The following DLGAP3 variants were observed in gnomAD, a reference collection of about 807,000 sequenced individuals.
DLGAP3 encodes the protein disks large-associated protein 3.
Under a neutral mutation model 81.2 loss-of-function variants are expected in DLGAP3, and 17 were observed. The ratio of observed to expected loss-of-function variants is 0.21; its 90% CI spans 0.14 to 0.31. The LOEUF (loss-of-function observed/expected upper bound fraction) is 0.31. Among genes scored for constraint, DLGAP3 ranks in the 10% least tolerant of loss-of-function variants. The pLI is 1.00. For synonymous variants in DLGAP3, 577 were observed against 587.4 expected (o/e 0.98, Z 0.26); for missense variants, 1,124 against 1,388.0 (o/e 0.81, Z 3.02).
At chr1:34,918,956 G>A (rs567313947) in intron 1 of DLGAP3, among the ~76,000 whole-genome samples, 5 of 152,276 alleles carry the variant, frequency 3.3e-5, no homozygotes, top group East Asian at 1.9e-4. Context: ...TCCCATCCTC[G>A]TGTCTGCTGT....
At chr1:34,917,916 G>T (rs1446531471) in intron 1 of DLGAP3, among the ~76,000 whole-genome samples, 2 of 152,206 alleles carry the variant, frequency 1.3e-5, no homozygotes, top group East Asian at 3.8e-4. Flanking sequence ...GGCTCAGCCT[G>T]CCTGTGATGG....
intron 1 of DLGAP3, among the ~76,000 whole-genome samples, chr1:34,926,677 AC>A (rs1235907469): frequency 6.6e-6 from 1 of 151,936 alleles, no homozygotes; most frequent in Admixed American, 6.6e-5. Context: ...TCATCACCTC[AC>A]CCCCAAAAAA....
At position 34,867,103 on chromosome 1, in the gene DLGAP3, T is replaced by G; in HGVS notation, c.2666A>C (p.Lys889Thr). The change falls in exon 11 of 12, where the codon AAG becomes ACG. Residue 889 changes from lysine to threonine, a missense_variant. By Grantham distance (78) the Lys-to-Thr change is moderately conservative (BLOSUM62 -1). Transcript: ENST00000373347. This position sits in a 1 kb window ranked among gnomAD's most constrained non-coding sequence, Gnocchi z 4.3. ...LQLSIEDVTL[K>T]FLELQQLKAN... ...CTTGAGTTGCTGTAGCTCCAGGAAC[T>G]TGAGGGTCACATCCTCGATGGAGAG... 6.2e-7 allele frequency: 1 copy of G among 1,614,144 alleles called. No individual in the cohort carries two copies.
In DLGAP3 at chr1:34,867,438, G is replaced by A; in HGVS notation, c.2577+98C>T. ...GCATGCAGGCCTGGTCTCACCTCTG[G>A]TACACACTCACTCTGGGTCACCTGC... On this transcript the variant is annotated intron_variant, in intron 10 of 11. Transcript: ENST00000373347. This position sits in a 1 kb window ranked among gnomAD's most constrained non-coding sequence, Gnocchi z 4.3. 1 of 1,162,524 alleles carries A rather than the reference G, an allele frequency of 8.6e-7. No homozygotes were observed. The highest frequency in any genetic ancestry group is 1.2e-5 in the South Asian group (1 of 81,904). 72.0% of individuals were successfully genotyped at this position (1,162,524 alleles called of 1,614,324 possible). A position where few individuals can be genotyped will look rare whatever the true frequency, so the allele number is the denominator to read the frequency against.
intron 1 of DLGAP3, among the ~76,000 whole-genome samples, chr1:34,924,719 T>A (rs1294610789): frequency 6.6e-6 from 1 of 152,154 alleles, no homozygotes; most frequent in African/African-American, 2.4e-5. Flanking sequence ...ATTCTCCAAC[T>A]CTACCCCGAT....
intron 1 of DLGAP3, among the ~76,000 whole-genome samples, chr1:34,919,081 A>T (rs531433415): frequency 3.9e-5 from 6 of 152,074 alleles, no homozygotes; most frequent in Non-Finnish European, 8.8e-5. Context: ...CCCAACCCCC[A>T]TGCTCACAGC....
chr1:34,901,318 G>A (rs1054450967), intron 3 of DLGAP3, among the ~76,000 whole-genome samples: 1 of 152,150 alleles, frequency 6.6e-6, no homozygotes, highest in African/African-American at 2.4e-5. Flanking sequence ...ACCTGAGAAG[G>A]AGTGGGCAGA....
chr1:34,909,858 C>A (rs1244793019), intron 1 of DLGAP3, among the ~76,000 whole-genome samples: 2 of 152,134 alleles, frequency 1.3e-5, no homozygotes, highest in African/African-American at 4.8e-5. Context: ...GCCTTTTATT[C>A]CACATCCACC....
intron 1 of DLGAP3, among the ~76,000 whole-genome samples, chr1:34,908,510 G>C (rs1455350680): frequency 6.6e-6 from 1 of 151,616 alleles, no homozygotes; most frequent in Non-Finnish European, 1.5e-5. Flanking sequence ...CAAATAGTGG[G>C]AATAGGAGAG....
rs189538360 is a variant in DLGAP3 at position 34,890,204 on chromosome 1, A to C, written c.1387-3919T>G. ...GTATCTGCATGAACCTTCATGGGCCACACCCCTAAAATTAAAAATTAGCAT... is the reference window on the plus strand; with the variant it reads ...GTATCTGCATGAACCTTCATGGGCCCCACCCCTAAAATTAAAAATTAGCAT... On this transcript the variant is annotated intron_variant, in intron 5 of 11. Coordinates refer to ENST00000373347, the MANE Select transcript of DLGAP3 (RefSeq NM_001080418.3). Among the ~76,000 whole-genome samples, 12 of 152,324 alleles carry C rather than the reference A, an allele frequency of 7.9e-5. No individual in the cohort carries two copies. In the East Asian group the frequency reaches 2.3e-3, roughly 29 times the overall value.
In DLGAP3 at chr1:34,885,563, G is replaced by A. The variant is rs2148401775; in HGVS notation, c.1829C>T (p.Thr610Ile). ...VPPRASPKPP[T>I]LIIKTIPGRE... Reference sequence around the variant, plus strand: ...GCCAGGGATGGTCTTGATGATGAGTGTGGGGGGCTTGGGGCTGGCCCGGGG... The same window carrying A: ...GCCAGGGATGGTCTTGATGATGAGTATGGGGGGCTTGGGGCTGGCCCGGGG... Residue 610 changes from threonine to isoleucine, a missense_variant, in exon 7 of 12, where the codon ACA becomes ATA. Thr to Ile is a moderately conservative substitution (Grantham distance 89). Transcript: ENST00000373347. The A allele has an allele frequency of 1.2e-6, 2 of 1,607,468 alleles. No individual in the cohort carries two copies. Among genetic ancestry groups the A allele is most frequent in the East Asian group, 4.5e-5 (2 of 44,816 alleles).
Position 34,895,197 on chromosome 1 carries a change from C to T in DLGAP3, c.1386+4472G>A, listed in dbSNP as rs1047318837. Among the ~76,000 whole-genome samples, 3 of 152,118 alleles carry T rather than the reference C, an allele frequency of 2.0e-5. No homozygotes were observed. The highest frequency in any genetic ancestry group is 7.2e-5 in the African/African-American group (3 of 41,520). ...CCTGGCTAACACGGTGAAACCCCGT[C>T]TGTACTAAAAATACAAAAAAATTAG... On this transcript the variant is annotated intron_variant, in intron 5 of 11. Coordinates refer to ENST00000373347, the MANE Select transcript of DLGAP3 (RefSeq NM_001080418.3). This position sits in a 1 kb window ranked among gnomAD's most constrained non-coding sequence, Gnocchi z 4.5.
At chr1:34,871,272 G>T (rs1455487886) in intron 8 of DLGAP3, among the ~76,000 whole-genome samples, 1 of 152,124 alleles carries the variant, frequency 6.6e-6, no homozygotes, top group African/African-American at 2.4e-5. Context: ...CATTCTCCTT[G>T]TTCCTTGAAT....
chr1:34,881,877 G>T (rs1639150837), intron 8 of DLGAP3, among the ~76,000 whole-genome samples: 1 of 152,010 alleles, frequency 6.6e-6, no homozygotes, highest in Non-Finnish European at 1.5e-5. Flanking sequence ...ATCCAACTAG[G>T]AATAGAAAGG....
chr1:34,908,341 T>C (rs1639590459), intron 1 of DLGAP3, among the ~76,000 whole-genome samples: 1 of 152,170 alleles, frequency 6.6e-6, no homozygotes, highest in Non-Finnish European at 1.5e-5. Context: ...GAGGAGAGGA[T>C]GTTTGTGATG....
chr1:34,898,292 G>A (rs980896770), intron 5 of DLGAP3, among the ~76,000 whole-genome samples: 1 of 152,308 alleles, frequency 6.6e-6, no homozygotes, highest in East Asian at 1.9e-4. Context: ...GACACAGACT[G>A]AGGATAAGCA....
chr1:34,878,263 G>T (rs1381639164), intron 8 of DLGAP3, among the ~76,000 whole-genome samples: 1 of 151,962 alleles, frequency 6.6e-6, no homozygotes, highest in Non-Finnish European at 1.5e-5. Context: ...CTGAGATCAC[G>T]CCAATGCACT....
rs150459222 is a variant in DLGAP3, at chr1:34,886,175, C to T, written c.1497G>A (p.Arg499=). 16 of 1,610,798 alleles carry T rather than the reference C, an allele frequency of 9.9e-6. No individual in the cohort carries two copies. Among genetic ancestry groups the T allele is most frequent in the South Asian group, 7.7e-5 (7 of 90,436 alleles). ...ALDLPGCFRM[R]SHSYLRAIQA... ...GGATGGCCCGGAGGTAGCTGTGGCTCCGCATGCGGAAACAGCCGGGCAGGT... is the reference window on the plus strand; with the variant it reads ...GGATGGCCCGGAGGTAGCTGTGGCTTCGCATGCGGAAACAGCCGGGCAGGT... Residue 499 remains arginine (R), a synonymous_variant, in exon 6 of 12, where the codon CGG becomes CGA. Transcript: ENST00000373347.
intron 8 of DLGAP3, among the ~76,000 whole-genome samples, chr1:34,874,898 T>C (rs993284462): frequency 2.6e-5 from 4 of 152,048 alleles, no homozygotes; most frequent in Non-Finnish European, 4.4e-5. Context: ...CTAGCTTCTA[T>C]AGAAGCTCCT....
Sources: gnomAD v4.1 joint callset for allele counts (sites outside exome capture counted in the v4.1 genomes callset) on GRCh38, gnomAD v4.1.1 for gene constraint, Gnocchi (gnomAD v3.1) non-coding constraint, MANE v1.5 for transcripts, NCBI Gene and HGNC (gene_info 2026-07-23, HGNC 2026-07-21) for gene names.